The following ERG variants were observed in gnomAD, a reference collection of about 807,000 sequenced individuals.
The protein encoded by ERG is ETS transcription factor ERG, also known as transcriptional regulator ERG.
ERG carries 9 observed loss-of-function variants against 55.3 expected under a neutral mutation model. That is an observed-to-expected ratio of 0.16 (90% CI 0.10 to 0.28). The LOEUF (loss-of-function observed/expected upper bound fraction) is 0.28. Among genes scored for constraint, ERG ranks in the 10% least tolerant of loss-of-function variants. The pLI is 1.00. For missense variants in ERG, 434 were observed against 631.6 expected, an observed-to-expected ratio of 0.69 and a Z score of 3.35; for synonymous variants, 223 against 237.3, an observed-to-expected ratio of 0.94 and a Z score of 0.55.
chr21:38,495,946 T>A (rs2059375857), intron 1 of ERG, among the ~76,000 whole-genome samples: 1 of 152,212 alleles, frequency 6.6e-6, no homozygotes, highest in Admixed American at 6.5e-5. Flanking sequence ...ATCAGTGAAT[T>A]GTCTGCAAAC....
At chr21:38,575,816 GA>G in intron 1 of ERG, 2 of 1,201,402 alleles carry the variant, frequency 1.7e-6, no homozygotes, top group South Asian at 2.6e-5. Flanking sequence ...GTTCTAGCAG[GA>G]CAGGACACAA....
chr21:38,493,929 G>A (rs1475409641), intron 1 of ERG, among the ~76,000 whole-genome samples: 1 of 152,228 alleles, frequency 6.6e-6, no homozygotes, highest in Non-Finnish European at 1.5e-5. Context: ...GAAATGTTGA[G>A]ACGAGTGAGT....
intron 1 of ERG, among the ~76,000 whole-genome samples, chr21:38,466,838 A>C (rs1031913246): frequency 3.3e-5 from 5 of 152,102 alleles, no homozygotes; most frequent in Non-Finnish European, 7.4e-5. Context: ...AAACTGAAAA[A>C]CAGGGTTTCT....
upstream of ERG, among the ~76,000 whole-genome samples, chr21:38,500,154 C>A (rs2146696795): frequency 6.6e-6 from 1 of 152,304 alleles, no homozygotes; most frequent in South Asian, 2.1e-4. Flanking sequence ...GCTTTTTGTT[C>A]TCTCCTAAGA....
At chr21:38,475,214 C>A (rs1388030801) in intron 1 of ERG, among the ~76,000 whole-genome samples, 1 of 152,144 alleles carries the variant, frequency 6.6e-6, no homozygotes, top group Non-Finnish European at 1.5e-5. Flanking sequence ...CCAGCCCCAC[C>A]ATAATCAGTG....
intron 1 of ERG, among the ~76,000 whole-genome samples, chr21:38,495,312 T>G (rs1204101350): frequency 6.6e-6 from 1 of 152,226 alleles, no homozygotes; most frequent in African/African-American, 2.4e-5. Context: ...CAGGTCGTGT[T>G]TCAATTACCA....
chr21:38,546,553 A>C (rs1341778889), intron 2 of ERG, among the ~76,000 whole-genome samples: 2 of 152,174 alleles, frequency 1.3e-5, no homozygotes, highest in African/African-American at 4.8e-5. Context: ...ACCTAAGAGA[A>C]TGCATTTTCA....
Position 38,445,566 on chromosome 21 carries a change from G to A in ERG, c.74C>T (p.Thr25Met), listed in dbSNP as rs763409220. 3.7e-6 allele frequency: 6 copies of A among 1,613,902 alleles called. No homozygotes were observed. Among genetic ancestry groups the A allele is most frequent in the Admixed American group, 3.3e-5 (2 of 59,980 alleles). Reference protein sequence around the residue: ...DQSLFECAYGTPHLAKTEMTA... With the variant: ...DQSLFECAYGMPHLAKTEMTA... ...CATCTCTGTCTTAGCCAGGTGTGGC[G>A]TTCCGTAGGCACACTCAAACAACGA... is the stretch of plus-strand genomic sequence containing the variant. The change falls in exon 2 of 10, where the codon ACG becomes ATG. Residue 25 changes from threonine (T) to methionine (M), a missense_variant. By Grantham distance (81) the Thr-to-Met change is moderately conservative. Around this residue, in one of 5 missense-constraint regions of ERG, gnomAD observed 212 missense variants for 262.9 expected, o/e 0.81. Transcript: ENST00000288319.
At chr21:38,453,934 T>C (rs1428000790) in intron 1 of ERG, among the ~76,000 whole-genome samples, 1 of 150,434 alleles carries the variant, frequency 6.6e-6, no homozygotes, top group Admixed American at 6.6e-5. Context: ...CCAGTAGGCT[T>C]CTTTCCTTCT....
At chr21:38,409,775 G>A (rs544103838) in intron 3 of ERG, among the ~76,000 whole-genome samples, 3 of 152,328 alleles carry the variant, frequency 2.0e-5, no homozygotes, top group Non-Finnish European at 4.4e-5. Context: ...ATACGAGGAT[G>A]GGGATGAAAG....
chr21:38,506,539 CTTAAT>C (rs1050321918), intron 2 of ERG, among the ~76,000 whole-genome samples: 21 of 152,284 alleles, frequency 1.4e-4, no homozygotes, highest in Non-Finnish European at 2.8e-4. Flanking sequence ...GGCCTTAAAA[CTTAAT>C]ATACAGATTT....
intron 1 of ERG, among the ~76,000 whole-genome samples, chr21:38,497,560 C>T (rs766174376): frequency 8.0e-4 from 121 of 152,178 alleles, no homozygotes; most frequent in Non-Finnish European, 6.8e-4. Flanking sequence ...TTCCAGGAAT[C>T]AGGCCATATT....
chr21:38,564,803 T>C (rs76793026), intron 2 of ERG, among the ~76,000 whole-genome samples: 5,008 of 152,178 alleles, frequency 0.033, 308 homozygotes, highest in African/African-American at 0.11. Flanking sequence ...CCTGTATGCA[T>C]TGGAGGGGCC....
chr21:38,569,289 A>G (rs946870706), intron 2 of ERG, among the ~76,000 whole-genome samples: 2 of 152,240 alleles, frequency 1.3e-5, no homozygotes, highest in Non-Finnish European at 2.9e-5. Context: ...TGCGGTGGAA[A>G]AACTCACAAA....
intron 3 of ERG, among the ~76,000 whole-genome samples, chr21:38,415,500 G>C (rs1989236848): frequency 6.6e-6 from 1 of 152,096 alleles, no homozygotes; most frequent in Non-Finnish European, 1.5e-5. Context: ...ATTTTAGTGG[G>C]TTTTGTTATT....
At chr21:38,595,814 C>A (rs954821954) in intron 1 of ERG, among the ~76,000 whole-genome samples, 1 of 152,176 alleles carries the variant, frequency 6.6e-6, no homozygotes, top group Admixed American at 6.5e-5. Context: ...TGGCTTCCCA[C>A]ACACCTGCCT....
At chr21:38,571,969 T>C (rs1352036804) in intron 2 of ERG, among the ~76,000 whole-genome samples, 3 of 152,102 alleles carry the variant, frequency 2.0e-5, no homozygotes, top group Non-Finnish European at 4.4e-5. Flanking sequence ...CCTTCTCAGA[T>C]AACAAAAACA....
At chr21:38,530,442 C>T (rs1326519200) in intron 2 of ERG, among the ~76,000 whole-genome samples, 1 of 152,138 alleles carries the variant, frequency 6.6e-6, no homozygotes, top group Admixed American at 6.5e-5. Flanking sequence ...TTACTTATTC[C>T]TATGGTTCTA....
intron 1 of ERG, among the ~76,000 whole-genome samples, chr21:38,637,948 G>A (rs983763296): frequency 1.9e-4 from 29 of 152,206 alleles, no homozygotes; most frequent in African/African-American, 6.8e-4. Context: ...CTACACAAAT[G>A]TTAACTGAGT....
Sources: gnomAD v4.1 joint callset for allele counts (sites outside exome capture counted in the v4.1 genomes callset) on GRCh38, gnomAD v4.1.1 for gene constraint, gnomAD v4.1.1 regional missense constraint, MANE v1.5 for transcripts, NCBI Gene and HGNC (gene_info 2026-07-23, HGNC 2026-07-21) for gene names.